The following SYN3 variants were observed in gnomAD, a reference collection of about 807,000 sequenced individuals.
The protein encoded by SYN3 is synapsin III, also known as synapsin-3.
In SYN3, 35 loss-of-function variants were observed where a neutral mutation model predicts 65.8. The observed-to-expected ratio is 0.53, with a 90% CI of 0.41 to 0.70. SYN3 has a LOEUF of 0.70. SYN3 is among the 30% of genes least tolerant of loss of function. The pLI is 0.00. For synonymous variants in SYN3, 270 were observed against 292.9 expected, an observed-to-expected ratio of 0.92 and a Z score of 0.80; for missense variants, 680 against 749.0, an observed-to-expected ratio of 0.91 and a Z score of 1.08.
intron 7 of SYN3, among the ~76,000 whole-genome samples, chr22:32,596,301 T>A (rs1286340098): frequency 1.3e-5 from 2 of 152,298 alleles, no homozygotes; most frequent in South Asian, 4.1e-4. Context: ...GAGAATGGAC[T>A]AATAAAGAGA....
intron 6 of SYN3, among the ~76,000 whole-genome samples, chr22:32,807,618 C>G (rs2046800419): frequency 6.7e-6 from 1 of 149,776 alleles, no homozygotes; most frequent in South Asian, 2.1e-4. Context: ...GAAACTGAGG[C>G]TTAGAAAAAT....
At chr22:33,001,664 G>A (rs779973958) in intron 2 of SYN3, among the ~76,000 whole-genome samples, 1 of 152,226 alleles carries the variant, frequency 6.6e-6, no homozygotes, top group Non-Finnish European at 1.5e-5. Flanking sequence ...CACTTATGCA[G>A]TACTTACTGT....
intron 1 of SYN3, among the ~76,000 whole-genome samples, chr22:33,023,946 G>A (rs181199809): frequency 1.1e-4 from 16 of 152,278 alleles, no homozygotes; most frequent in Non-Finnish European, 1.9e-4. Flanking sequence ...TGAAGCTGGA[G>A]AGGTGTCCAC....
chr22:32,917,354 C>T (rs1271838322), intron 4 of SYN3, among the ~76,000 whole-genome samples: 1 of 152,170 alleles, frequency 6.6e-6, no homozygotes, highest in Admixed American at 6.5e-5. Context: ...TACTCCTCCA[C>T]CTGTCAGCTA....
chr22:32,978,787 T>C (rs1318990616), intron 3 of SYN3, among the ~76,000 whole-genome samples: 1 of 152,160 alleles, frequency 6.6e-6, no homozygotes, highest in African/African-American at 2.4e-5. Context: ...GCAACAGGCA[T>C]ACTGTGTGGA....
chr22:32,836,503 A>G (rs1238022281), intron 6 of SYN3, among the ~76,000 whole-genome samples: 1 of 152,218 alleles, frequency 6.6e-6, no homozygotes, highest in Non-Finnish European at 1.5e-5. Flanking sequence ...TATTTTATTT[A>G]AAATGAAGGT....
At chr22:32,819,730 C>T (rs942442833) in intron 6 of SYN3, among the ~76,000 whole-genome samples, 12 of 152,042 alleles carry the variant, frequency 7.9e-5, no homozygotes, top group African/African-American at 2.4e-4. Context: ...CTTTTGTTTT[C>T]GAAAGTTCAA....
intron 6 of SYN3, among the ~76,000 whole-genome samples, chr22:32,791,663 C>A (rs1443436870): frequency 1.3e-5 from 2 of 151,446 alleles, no homozygotes; most frequent in African/African-American, 4.9e-5. Flanking sequence ...CCAATTCCAG[C>A]ACGGCAGCAT....
At chr22:32,591,075 A>ATTATTACTATG (rs952765388) in intron 7 of SYN3, among the ~76,000 whole-genome samples, 1 of 152,166 alleles carries the variant, frequency 6.6e-6, no homozygotes, top group Admixed American at 6.5e-5. Context: ...AGCTCATACA[A>ATTATTACTATG]TTATTACTAT....
chr22:32,628,589 T>C (rs1409993635), intron 6 of SYN3, among the ~76,000 whole-genome samples: 1 of 151,928 alleles, frequency 6.6e-6, no homozygotes, highest in Non-Finnish European at 1.5e-5. Context: ...AGGTTAAAAG[T>C]CATTTAAATT....
intron 6 of SYN3, among the ~76,000 whole-genome samples, chr22:32,598,511 AGTCTC>A (rs1387245353): frequency 6.6e-6 from 1 of 151,960 alleles, no homozygotes; most frequent in Non-Finnish European, 1.5e-5. Flanking sequence ...TTTGAGACAG[AGTCTC>A]ACTCTTTCGC....
chr22:32,898,657 C>A (rs1050817949), intron 4 of SYN3, among the ~76,000 whole-genome samples: 4 of 152,128 alleles, frequency 2.6e-5, no homozygotes, highest in African/African-American at 9.7e-5. Flanking sequence ...CAGTGGAATC[C>A]CTATATACAT....
At chr22:32,950,589 C>T (rs766948657) in intron 3 of SYN3, among the ~76,000 whole-genome samples, 10 of 152,254 alleles carry the variant, frequency 6.6e-5, no homozygotes, top group East Asian at 1.9e-4. Flanking sequence ...CCAGGAGGCC[C>T]GGATGTCCTG....
At chr22:32,532,253 T>A (rs1406118479) in intron 10 of SYN3, among the ~76,000 whole-genome samples, 1 of 152,294 alleles carries the variant, frequency 6.6e-6, no homozygotes, top group Non-Finnish European at 1.5e-5. Flanking sequence ...TGTCTGGTGG[T>A]CCCCGTGAGG....
intron 6 of SYN3, among the ~76,000 whole-genome samples, chr22:32,613,812 G>GTTTTTCAGCACTTGGTGCTC (rs1226028471): frequency 6.6e-6 from 1 of 152,154 alleles, no homozygotes; most frequent in East Asian, 1.9e-4. Flanking sequence ...CTCTCTTGGT[G>GTTTTTCAGCACTTGGTGCTC]TCTTTGTTGT....
chr22:32,935,709 C>T (rs981865593), intron 3 of SYN3, among the ~76,000 whole-genome samples: 1 of 152,204 alleles, frequency 6.6e-6, no homozygotes, highest in Non-Finnish European at 1.5e-5. Context: ...GCCTCAGCTT[C>T]CCAAAGTGCT....
chr22:32,909,830 C>A (rs1482122251), intron 4 of SYN3, among the ~76,000 whole-genome samples: 1 of 152,146 alleles, frequency 6.6e-6, no homozygotes. Flanking sequence ...CTCCTAGACT[C>A]GCCTTTGTGA....
At chr22:32,919,507 G>A (rs549650823) in intron 4 of SYN3, among the ~76,000 whole-genome samples, 8 of 152,324 alleles carry the variant, frequency 5.3e-5, no homozygotes, top group African/African-American at 1.4e-4. Flanking sequence ...TTTAGAAGAG[G>A]TGAAGGGAAC....
chr22:32,910,257 G>T (rs1210481608), intron 4 of SYN3, among the ~76,000 whole-genome samples: 1 of 152,180 alleles, frequency 6.6e-6, no homozygotes, highest in Non-Finnish European at 1.5e-5. Context: ...GGAATTTTAA[G>T]ATATAAACAG....
Sources: gnomAD v4.1 joint callset for allele counts (sites outside exome capture counted in the v4.1 genomes callset) on GRCh38, gnomAD v4.1.1 for gene constraint, MANE v1.5 for transcripts, NCBI Gene and HGNC (gene_info 2026-07-23, HGNC 2026-07-21) for gene names.